The following COLEC10 variants were observed in gnomAD, a reference collection of about 807,000 sequenced individuals.
COLEC10 encodes collectin-10.
COLEC10 carries 22 observed loss-of-function variants against 28.4 expected under a neutral mutation model. That is an observed-to-expected ratio of 0.78 (90% CI 0.55 to 1.11). The LOEUF is 1.11. Among genes scored for constraint, COLEC10 ranks in the 50% least tolerant of loss-of-function variants. COLEC10 has a pLI of 0.00. For missense variants in COLEC10, 361 were observed against 344.1 expected, an observed-to-expected ratio of 1.05 and a Z score of -0.39; for synonymous variants, 125 against 116.1, an observed-to-expected ratio of 1.08 and a Z score of -0.49.
chr8:118,973,653 C>G, the COLEC10 span, among the ~76,000 whole-genome samples: 14 of 152,068 alleles, frequency 9.2e-5, 1 homozygote, highest in African/African-American at 3.4e-4. Context: ...TGGTTATAAG[C>G]AAGTCATAAA....
the COLEC10 span, among the ~76,000 whole-genome samples, chr8:118,984,697 A>G: frequency 6.6e-6 from 1 of 152,072 alleles, no homozygotes; most frequent in Non-Finnish European, 1.5e-5. Flanking sequence ...AATTGCCAAA[A>G]ACCACCAGAG....
At chr8:118,969,575 G>A in the COLEC10 span, among the ~76,000 whole-genome samples, 374 of 152,028 alleles carry the variant, frequency 2.5e-3, 6 homozygotes, top group African/African-American at 8.3e-3. Context: ...GGAATGGAGA[G>A]TCCCCCATAA....
the COLEC10 span, among the ~76,000 whole-genome samples, chr8:118,984,435 C>T: frequency 1.3e-5 from 2 of 152,182 alleles, no homozygotes; most frequent in South Asian, 4.2e-4. Flanking sequence ...ACCCCCATGA[C>T]ATGAGTTTAC....
chr8:119,105,816 G>C lies in COLEC10; in HGVS notation c.459G>C (p.Arg153Ser). ...KFVKNVIAGI[R>S]ETEEKFYYIV... Reference sequence around the variant, plus strand: ...TCCCTGCAGTGATAGCAGGGATTAGGGAAACTGAAGAGAAATTCTACTACA... The same window carrying C: ...TCCCTGCAGTGATAGCAGGGATTAGCGAAACTGAAGAGAAATTCTACTACA... The change falls in exon 6 of 6, where the codon AGG (arginine) becomes AGC (serine). Residue 153 changes from arginine (R) to serine (S), a missense_variant. By Grantham distance (110) the Arg-to-Ser change is moderately radical. Coordinates refer to ENST00000332843, the MANE Select transcript of COLEC10 (RefSeq NM_006438.5). 1 of 1,611,966 alleles carries C rather than the reference G, an allele frequency of 6.2e-7. No individual in the cohort carries two copies. The highest frequency in any genetic ancestry group is 8.5e-7 in the Non-Finnish European group (1 of 1,178,540).
chr8:119,007,681 T>C (rs569421416), intron 1 of COLEC10, among the ~76,000 whole-genome samples: 1 of 151,158 alleles, frequency 6.6e-6, no homozygotes, highest in Admixed American at 6.6e-5. Context: ...AGTATGTTAG[T>C]AATAGAACTT....
the COLEC10 span, among the ~76,000 whole-genome samples, chr8:118,965,257 C>T: frequency 6.6e-6 from 1 of 151,986 alleles, no homozygotes; most frequent in Non-Finnish European, 1.5e-5. Context: ...ATCCCAATAG[C>T]TCAAAATATC....
chr8:119,102,557 G>C (rs1815858605), intron 4 of COLEC10, 156 bp downstream of exon 4: 3 of 600,576 alleles, frequency 5.0e-6, no homozygotes, highest in Non-Finnish European at 8.4e-6. Flanking sequence ...GGACTTTCCT[G>C]TCTCCCTGCT....
intron 2 of COLEC10, among the ~76,000 whole-genome samples, chr8:119,053,114 A>G (rs1305545713): frequency 2.6e-5 from 4 of 152,128 alleles, no homozygotes; most frequent in African/African-American, 2.4e-5. Flanking sequence ...CTCTACAATA[A>G]TAACTCTGTT....
At chr8:118,959,183 G>A in the COLEC10 span, among the ~76,000 whole-genome samples, 1 of 152,188 alleles carries the variant, frequency 6.6e-6, no homozygotes, top group Non-Finnish European at 1.5e-5. Flanking sequence ...AAGTGTGAAA[G>A]AGGGGATTTC....
At chr8:119,003,463 C>T (rs897407660) in intron 1 of COLEC10, among the ~76,000 whole-genome samples, 1 of 152,076 alleles carries the variant, frequency 6.6e-6, no homozygotes, top group African/African-American at 2.4e-5. Flanking sequence ...TGAACACTTT[C>T]TGATGTCATC....
intron 3 of COLEC10, 124 bp from the exon 4 acceptor site, chr8:119,102,221 TCCC>T: frequency 1.2e-5 from 2 of 168,936 alleles, no homozygotes; most frequent in South Asian, 5.9e-5. Flanking sequence ...CCTCCCTCCC[TCCC>T]TCCCTCCCTC....
At chr8:119,072,033 C>T (rs904161920) in intron 1 of COLEC10, among the ~76,000 whole-genome samples, 3 of 152,188 alleles carry the variant, frequency 2.0e-5, no homozygotes, top group Admixed American at 2.0e-4. Flanking sequence ...ACAACAGTGC[C>T]TCTGCTTCCC....
intron 1 of COLEC10, among the ~76,000 whole-genome samples, chr8:119,006,321 A>G (rs1248853111): frequency 6.6e-6 from 1 of 152,080 alleles, no homozygotes; most frequent in Non-Finnish European, 1.5e-5. Context: ...TTAGGCTCAA[A>G]CAACCATTGC....
intron 2 of COLEC10, among the ~76,000 whole-genome samples, chr8:119,059,997 A>C (rs970178875): frequency 6.6e-6 from 1 of 152,130 alleles, no homozygotes; most frequent in African/African-American, 2.4e-5. Context: ...CTTCCTTTTC[A>C]TGACTAATTT....
At chr8:119,052,951 A>G (rs1486146598) in intron 2 of COLEC10, among the ~76,000 whole-genome samples, 1 of 152,112 alleles carries the variant, frequency 6.6e-6, no homozygotes, top group African/African-American at 2.4e-5. Context: ...AACCAAGAAG[A>G]GAGGGGAAGG....
the COLEC10 span, among the ~76,000 whole-genome samples, chr8:118,985,438 G>GA: frequency 6.6e-6 from 1 of 152,006 alleles, no homozygotes; most frequent in East Asian, 1.9e-4. Context: ...GAGTATGAGA[G>GA]AAAAAAGCGG....
At chr8:119,035,835 T>A (rs1474475422) in intron 2 of COLEC10, among the ~76,000 whole-genome samples, 1 of 152,224 alleles carries the variant, frequency 6.6e-6, no homozygotes, top group Admixed American at 6.5e-5. Context: ...GTTCGGCTTT[T>A]GAAGTCAGTT....
intron 1 of COLEC10, among the ~76,000 whole-genome samples, chr8:119,002,351 TTA>T (rs1478614265): frequency 6.6e-6 from 1 of 152,152 alleles, no homozygotes; most frequent in Non-Finnish European, 1.5e-5. Flanking sequence ...ACCACTTAAT[TTA>T]AACATTCCCT....
intron 2 of COLEC10, among the ~76,000 whole-genome samples, chr8:119,055,486 T>A (rs76729294): frequency 0.052 from 7,892 of 152,154 alleles, 330 homozygotes; most frequent in East Asian, 0.16. Flanking sequence ...ATGGTGAGCT[T>A]AGATACAGAA....
Sources: gnomAD v4.1 joint callset for allele counts (sites outside exome capture counted in the v4.1 genomes callset) on GRCh38, gnomAD v4.1.1 for gene constraint, MANE v1.5 for transcripts, NCBI Gene and HGNC (gene_info 2026-07-23, HGNC 2026-07-21) for gene names.